The following KCNT2 variants were observed in gnomAD, a reference collection of about 807,000 sequenced individuals.
The protein encoded by KCNT2 is potassium sodium-activated channel subfamily T member 2, also known as potassium channel subfamily T member 2.
Under a neutral mutation model 153.8 loss-of-function variants are expected in KCNT2, and 67 were observed. That is an observed-to-expected ratio of 0.44 (90% CI 0.36 to 0.53). The LOEUF (loss-of-function observed/expected upper bound fraction) is 0.53, where lower values mean the gene tolerates loss of function less well. Among genes scored for constraint, KCNT2 ranks in the 20% least tolerant of loss-of-function variants. The probability of loss-of-function intolerance (pLI) is 0.00; values close to 1 mark genes in which losing one functional copy is unlikely to be tolerated. For synonymous variants in KCNT2, 500 were observed against 458.8 expected, an observed-to-expected ratio of 1.09 and a Z score of -1.15; for missense variants, 975 against 1,354.8, an observed-to-expected ratio of 0.72 and a Z score of 4.40.
intron 1 of KCNT2, among the ~76,000 whole-genome samples, chr1:196,501,325 G>A (rs893668444): frequency 6.6e-6 from 1 of 152,084 alleles, no homozygotes; most frequent in Admixed American, 6.6e-5. Flanking sequence ...CTTAATGGAT[G>A]ACTGGATAAA....
chr1:196,264,214 A>C (rs1657300513), intron 25 of KCNT2, among the ~76,000 whole-genome samples: 1 of 152,156 alleles, frequency 6.6e-6, no homozygotes, highest in Non-Finnish European at 1.5e-5. Context: ...TGTAACTGCT[A>C]ACCACTTGAT....
At chr1:196,278,684 G>T (rs1658805588) in intron 25 of KCNT2, among the ~76,000 whole-genome samples, 1 of 152,044 alleles carries the variant, frequency 6.6e-6, no homozygotes, top group Non-Finnish European at 1.5e-5. Flanking sequence ...CATGGACATG[G>T]AGTTGACCAA....
At chr1:196,535,069 C>G (rs1267374250) in intron 1 of KCNT2, among the ~76,000 whole-genome samples, 1 of 152,086 alleles carries the variant, frequency 6.6e-6, no homozygotes, top group East Asian at 1.9e-4. Flanking sequence ...AAGTCACTAC[C>G]CTAACATTAA....
At chr1:196,524,501 CATA>C (rs1460936305) in intron 1 of KCNT2, among the ~76,000 whole-genome samples, 2 of 152,250 alleles carry the variant, frequency 1.3e-5, no homozygotes, top group East Asian at 3.9e-4. Context: ...TGCCATATTA[CATA>C]ATAATTTTCC....
intron 21 of KCNT2, among the ~76,000 whole-genome samples, chr1:196,313,389 T>C (rs1662382784): frequency 6.6e-6 from 1 of 151,506 alleles, no homozygotes; most frequent in Non-Finnish European, 1.5e-5. Context: ...CAAAGGATCA[T>C]CTAGGTAAGA....
intron 1 of KCNT2, among the ~76,000 whole-genome samples, chr1:196,606,428 A>G (rs1259011016): frequency 6.6e-6 from 1 of 152,206 alleles, no homozygotes; most frequent in Non-Finnish European, 1.5e-5. Context: ...TAAATATTTA[A>G]TAACTTATTT....
intron 13 of KCNT2, among the ~76,000 whole-genome samples, chr1:196,388,248 G>C (rs1021991163): frequency 1.3e-5 from 2 of 151,576 alleles, no homozygotes; most frequent in Non-Finnish European, 3.0e-5. Context: ...GTTGTATTCT[G>C]TTCCATTGAT....
At chr1:196,286,116 A>C (rs887190633) in intron 22 of KCNT2, among the ~76,000 whole-genome samples, 7 of 152,168 alleles carry the variant, frequency 4.6e-5, no homozygotes, top group African/African-American at 1.7e-4. Flanking sequence ...ACTGTAAAGA[A>C]GACCTGCTTT....
chr1:196,241,783 T>C (rs1400230340), intron 26 of KCNT2, among the ~76,000 whole-genome samples: 2 of 152,128 alleles, frequency 1.3e-5, no homozygotes, highest in Non-Finnish European at 2.9e-5. Context: ...AATTACTTGA[T>C]ACTCAATTTT....
At chr1:196,362,685 A>T (rs1667731036) in intron 14 of KCNT2, among the ~76,000 whole-genome samples, 1 of 152,146 alleles carries the variant, frequency 6.6e-6, no homozygotes, top group Non-Finnish European at 1.5e-5. Context: ...GAGTTAAGCT[A>T]AAATGTTTTA....
chr1:196,566,603 A>G (rs1660142762), intron 1 of KCNT2, among the ~76,000 whole-genome samples: 1 of 152,096 alleles, frequency 6.6e-6, no homozygotes, highest in African/African-American at 2.4e-5. Context: ...GAGAATGGAC[A>G]AAAAGGAAAA....
intron 25 of KCNT2, among the ~76,000 whole-genome samples, chr1:196,269,344 C>T (rs554805736): frequency 6.6e-5 from 10 of 151,942 alleles, no homozygotes; most frequent in Non-Finnish European, 7.4e-5. Context: ...TTTCAACATG[C>T]GAGTGTGTGT....
chr1:196,331,370 T>G (rs1435541325), intron 17 of KCNT2, 109 bp from the exon 18 acceptor site: 2 of 698,988 alleles, frequency 2.9e-6, no homozygotes, highest in African/African-American at 3.6e-5. Context: ...TACCTCTGTG[T>G]TGCAATTATA....
intron 14 of KCNT2, among the ~76,000 whole-genome samples, chr1:196,349,977 G>A (rs532580341): frequency 1.3e-5 from 2 of 151,912 alleles, no homozygotes; most frequent in Non-Finnish European, 2.9e-5. Flanking sequence ...TTGTCCTTGC[G>A]ATAGTTTACT....
chr1:196,256,402 A>G lies in KCNT2; in HGVS notation c.3211+1792T>C, dbSNP rs544515510. On this transcript the variant is annotated intron_variant, in intron 26 of 27. Transcript: ENST00000294725. ...ATGACAGCATTTTCCATAAATTATAATTTCACATTATTTAATTTTGGTTTA... is the reference window on the plus strand; with the variant it reads ...ATGACAGCATTTTCCATAAATTATAGTTTCACATTATTTAATTTTGGTTTA... 7.2e-5 allele frequency among the ~76,000 whole-genome samples: 11 copies of G among 152,156 alleles called. No homozygotes were observed. The South Asian group carries it at 2.3e-3, about 32-fold the overall frequency.
chr1:196,378,626 C>A (rs979473450), intron 13 of KCNT2, among the ~76,000 whole-genome samples: 1 of 150,504 alleles, frequency 6.6e-6, no homozygotes, highest in African/African-American at 2.4e-5. Flanking sequence ...ATAGTTCAAG[C>A]CTTTAGGCAC....
intron 1 of KCNT2, among the ~76,000 whole-genome samples, chr1:196,521,180 A>C (rs1653341575): frequency 6.6e-6 from 1 of 152,210 alleles, no homozygotes; most frequent in Non-Finnish European, 1.5e-5. Context: ...GCAACCAACA[A>C]TCATATAAAA....
intron 13 of KCNT2, among the ~76,000 whole-genome samples, chr1:196,384,478 G>GGTCAGGAGTTCGAAACCAGCTTGACC (rs1669780648): frequency 6.6e-6 from 1 of 152,050 alleles, no homozygotes; most frequent in Non-Finnish European, 1.5e-5. Context: ...GATCACTTGA[G>GGTCAGGAGTTCGAAACCAGCTTGACC]GTCAGGAGTT....
chr1:196,412,343 C>G (rs1016829827), intron 12 of KCNT2, among the ~76,000 whole-genome samples: 1 of 151,638 alleles, frequency 6.6e-6, no homozygotes, highest in Admixed American at 6.6e-5. Flanking sequence ...TTGTTAATAA[C>G]TGTGTGTTCA....
Sources: gnomAD v4.1 joint callset for allele counts (sites outside exome capture counted in the v4.1 genomes callset) on GRCh38, gnomAD v4.1.1 for gene constraint, MANE v1.5 for transcripts, NCBI Gene and HGNC (gene_info 2026-07-23, HGNC 2026-07-21) for gene names.